Variants in CDK17 observed in about 807,000 individuals in gnomAD.
CDK17 encodes the protein cyclin-dependent kinase 17.
A neutral mutation model predicts 77.6 loss-of-function variants in CDK17; 24 were observed. That is an observed-to-expected ratio of 0.31 (90% CI 0.22 to 0.44). The LOEUF is 0.44. CDK17 is among the 20% of genes least tolerant of loss of function. The probability of loss-of-function intolerance (pLI) is 1.00; values close to 1 mark genes in which losing one functional copy is unlikely to be tolerated. For synonymous variants in CDK17, 203 were observed against 210.4 expected, an observed-to-expected ratio of 0.96 and a Z score of 0.30; for missense variants, 429 against 622.5, an observed-to-expected ratio of 0.69 and a Z score of 3.31.
intron 3 of CDK17, among the ~76,000 whole-genome samples, chr12:96,315,485 T>C (rs1203881037): frequency 6.6e-6 from 1 of 152,210 alleles, no homozygotes; most frequent in Non-Finnish European, 1.5e-5. Context: ...AAAAGTAATG[T>C]ATTGGTGATT....
rs115447183 is a variant in CDK17, at chr12:96,293,346, A to T, written c.997+1653T>A. Reference sequence around the variant, plus strand: ...AGCCACTGTGTCTGGCCTAAAGTCTATTTCAATAGAAGACAACTGGATTCC... The same window carrying T: ...AGCCACTGTGTCTGGCCTAAAGTCTTTTTCAATAGAAGACAACTGGATTCC... On this transcript the variant is annotated intron_variant, in intron 10 of 16. Coordinates refer to ENST00000261211, the MANE Select transcript of CDK17 (RefSeq NM_002595.5). Among the ~76,000 whole-genome samples, 309 of 152,202 alleles carry T rather than the reference A, an allele frequency of 2.0e-3. 1 individual carries two copies. The highest frequency in any genetic ancestry group is 6.9e-3 in the African/African-American group (287 of 41,528).
intron 1 of CDK17, among the ~76,000 whole-genome samples, chr12:96,340,356 T>C (rs1341736886): frequency 1.3e-5 from 2 of 152,108 alleles, no homozygotes; most frequent in Non-Finnish European, 2.9e-5. Context: ...ATATTTCTAA[T>C]TCATAAAAGC....
chr12:96,339,656 G>A (rs561598035), intron 1 of CDK17, among the ~76,000 whole-genome samples: 3 of 151,992 alleles, frequency 2.0e-5, no homozygotes, highest in Non-Finnish European at 4.4e-5. Flanking sequence ...AGGGCCAAGC[G>A]CAGTGTCTCA....
chr12:96,301,223 C>T (rs115817608), intron 5 of CDK17, among the ~76,000 whole-genome samples: 1,451 of 144,106 alleles, frequency 0.01, 17 homozygotes, highest in African/African-American at 0.034. Context: ...CTGGCTACAC[C>T]CCCCCTCAAC....
chr12:96,337,616 T>C (rs990767558), intron 1 of CDK17, among the ~76,000 whole-genome samples: 48 of 152,192 alleles, frequency 3.2e-4, no homozygotes, highest in Non-Finnish European at 5.3e-4. Context: ...AACCTGTTAA[T>C]TGTAGGGTTA....
chr12:96,355,703 G>A (rs1236145490), intron 1 of CDK17, among the ~76,000 whole-genome samples: 1 of 152,024 alleles, frequency 6.6e-6, no homozygotes, highest in Non-Finnish European at 1.5e-5. Context: ...AACGTGCCCG[G>A]CATATATTGG....
At chr12:96,350,823 A>C (rs1214410584) in intron 1 of CDK17, among the ~76,000 whole-genome samples, 1 of 152,154 alleles carries the variant, frequency 6.6e-6, no homozygotes, top group Non-Finnish European at 1.5e-5. Context: ...ATATGACACC[A>C]AAGGCACAGG....
chr12:96,316,083 A>G (rs1952711277), intron 3 of CDK17, among the ~76,000 whole-genome samples: 1 of 152,202 alleles, frequency 6.6e-6, no homozygotes, highest in Admixed American at 6.5e-5. Context: ...CAGTGGGCGC[A>G]GGCCAGTGTG....
chr12:96,365,250 CATGA>C (rs1953564661), intron 1 of CDK17, among the ~76,000 whole-genome samples: 1 of 152,082 alleles, frequency 6.6e-6, no homozygotes, highest in Non-Finnish European at 1.5e-5. Flanking sequence ...TTAAAAATAA[CATGA>C]ATAACATCAC....
chr12:96,292,298 T>C (rs1447284701), intron 10 of CDK17, among the ~76,000 whole-genome samples: 1 of 152,060 alleles, frequency 6.6e-6, no homozygotes, highest in African/African-American at 2.4e-5. Context: ...AATGAAATAC[T>C]CCAAACATAA....
intron 1 of CDK17, among the ~76,000 whole-genome samples, chr12:96,376,054 T>C (rs566438080): frequency 6.6e-6 from 1 of 152,278 alleles, no homozygotes; most frequent in South Asian, 2.1e-4. Flanking sequence ...ACTGAAACTG[T>C]CTACACCAAG....
At chr12:96,316,895 A>G (rs1298184772) in intron 3 of CDK17, among the ~76,000 whole-genome samples, 3 of 150,728 alleles carry the variant, frequency 2.0e-5, no homozygotes, top group African/African-American at 7.3e-5. Context: ...TAAAACGCAG[A>G]GTGCCTCTCC....
intron 1 of CDK17, among the ~76,000 whole-genome samples, chr12:96,364,723 T>C (rs929042654): frequency 1.3e-5 from 2 of 152,216 alleles, no homozygotes; most frequent in South Asian, 4.1e-4. Context: ...GGCTTGCTCT[T>C]TACTTGAGTC....
chr12:96,281,428 G>A (rs1460801605), intron 15 of CDK17, among the ~76,000 whole-genome samples: 3 of 152,226 alleles, frequency 2.0e-5, no homozygotes, highest in African/African-American at 7.2e-5. Context: ...GAGTGCAGTG[G>A]CATGATCTTG....
At chr12:96,353,607 G>GC (rs968470569) in intron 1 of CDK17, among the ~76,000 whole-genome samples, 70 of 146,568 alleles carry the variant, frequency 4.8e-4, no homozygotes, top group African/African-American at 1.6e-3. Flanking sequence ...AAAGGTGGCG[G>GC]GGGGGGGCGC....
Position 96,334,852 on chromosome 12 carries a change from T to G in CDK17, c.-16A>C, listed in dbSNP as rs373963151. On this transcript the variant is annotated 5_prime_UTR_variant, in exon 2 of 17. Coordinates refer to ENST00000261211, the MANE Select transcript of CDK17 (RefSeq NM_002595.5). ...ATTTTTTCATCCTATCAATTGAATG[T>G]GGCTTGAAAAATCCTGAAAGAAAAG... The G allele has an allele frequency of 2.3e-6, 3 of 1,317,646 alleles. No individual in the cohort carries two copies. Among genetic ancestry groups the G allele is most frequent in the Admixed American group, 3.4e-5 (2 of 58,970 alleles). The allele number at this position is 1,317,646 out of a possible 1,614,324, so 81.6% of individuals were successfully genotyped here.
intron 1 of CDK17, among the ~76,000 whole-genome samples, chr12:96,359,617 GA>G (rs1454489067): frequency 1.3e-5 from 2 of 152,048 alleles, no homozygotes; most frequent in Non-Finnish European, 2.9e-5. Context: ...ATATTCCCAA[GA>G]AAAAGAATAT....
At chr12:96,289,701 T>C (rs1302308144) in intron 10 of CDK17, among the ~76,000 whole-genome samples, 1 of 152,234 alleles carries the variant, frequency 6.6e-6, no homozygotes, top group African/African-American at 2.4e-5. Flanking sequence ...TGTCACCTTT[T>C]AACCTGATTC....
intron 10 of CDK17, 67 bp from the exon 11 acceptor site, chr12:96,289,354 A>C: frequency 6.4e-7 from 1 of 1,557,274 alleles, no homozygotes. Context: ...CCCTATTCTC[A>C]CCATGACTCC....
Sources: gnomAD v4.1 joint callset for allele counts (sites outside exome capture counted in the v4.1 genomes callset) on GRCh38, gnomAD v4.1.1 for gene constraint, MANE v1.5 for transcripts, NCBI Gene and HGNC (gene_info 2026-07-23, HGNC 2026-07-21) for gene names.